GABBR2: variants seen among roughly 807,000 people sequenced by gnomAD.
GABBR2 encodes gamma-aminobutyric acid type B receptor subunit 2, also known as G-protein coupled receptor 51.
Under a neutral mutation model 105.6 loss-of-function variants are expected in GABBR2, and 23 were observed. That is an observed-to-expected ratio of 0.22 (90% confidence interval 0.16 to 0.31). GABBR2 has a LOEUF of 0.31. Ranked by LOEUF, GABBR2 falls within the 10% of genes least tolerant of loss-of-function variation. GABBR2 has a pLI of 1.00. For missense variants in GABBR2, 734 were observed against 1,245.5 expected (o/e 0.59, Z 6.18); for synonymous variants, 478 against 499.7 (o/e 0.96, Z 0.58).
intron 4 of GABBR2, among the ~76,000 whole-genome samples, chr9:98,490,845 C>G (rs553198552): frequency 4.6e-5 from 7 of 152,294 alleles, no homozygotes; most frequent in East Asian, 3.9e-4. Flanking sequence ...TTAGCCACCC[C>G]CTGTTCAGAA....
chr9:98,414,744 T>A (rs551141644), intron 7 of GABBR2, among the ~76,000 whole-genome samples: 28 of 151,964 alleles, frequency 1.8e-4, no homozygotes, highest in Non-Finnish European at 3.1e-4. Flanking sequence ...GTCCTACCAA[T>A]GGAATGTGGG....
intron 2 of GABBR2, among the ~76,000 whole-genome samples, chr9:98,564,240 G>C (rs1261937394): frequency 1.3e-5 from 2 of 152,196 alleles, no homozygotes; most frequent in Non-Finnish European, 2.9e-5. Flanking sequence ...GGAGTCTGGA[G>C]CCTCCATGGC....
chr9:98,597,129 G>A (rs1829250675), intron 1 of GABBR2, among the ~76,000 whole-genome samples: 1 of 152,170 alleles, frequency 6.6e-6, no homozygotes, highest in Admixed American at 6.5e-5. Context: ...AACCCAAGTG[G>A]TGCAGCTTAT....
chr9:98,445,972 G>A (rs1231321790), intron 7 of GABBR2, among the ~76,000 whole-genome samples: 1 of 152,210 alleles, frequency 6.6e-6, no homozygotes, highest in Admixed American at 6.5e-5. Context: ...AGAGGAGGGA[G>A]AGCTGAGAGC....
intron 13 of GABBR2, among the ~76,000 whole-genome samples, chr9:98,346,662 G>A (rs944073539): frequency 1.3e-5 from 2 of 152,034 alleles, no homozygotes; most frequent in Non-Finnish European, 2.9e-5. Context: ...TGCAGAACAC[G>A]GGAATTCATT....
chr9:98,313,496 C>T lies in GABBR2; in HGVS notation c.1894-2291G>A, dbSNP rs115757715. The stretch of plus-strand genomic sequence containing the variant: ...TCTCCAACAGTGGAATCCCTGCCTT[C>T]GAACAACATCAAAATATTTACTGAT... On this transcript the variant is annotated intron_variant, in intron 13 of 18. Coordinates refer to ENST00000259455, the MANE Select transcript of GABBR2 (RefSeq NM_005458.8). Among the ~76,000 whole-genome samples, 997 of 152,312 alleles carry T rather than the reference C, an allele frequency of 6.5e-3. 10 individuals are homozygous for T. The highest frequency in any genetic ancestry group is 0.02 in the African/African-American group (814 of 41,572).
intron 14 of GABBR2, 108 bp downstream of exon 14, chr9:98,310,987 C>A: frequency 1.5e-6 from 1 of 662,388 alleles, no homozygotes; most frequent in Non-Finnish European, 2.7e-6. Flanking sequence ...AGAGTAACTG[C>A]TTAGTCATGG....
chr9:98,422,716 T>C (rs1438722675), intron 7 of GABBR2, among the ~76,000 whole-genome samples: 1 of 151,616 alleles, frequency 6.6e-6, no homozygotes. Context: ...ACCCATTAAC[T>C]CGTCATTTAG....
intron 14 of GABBR2, among the ~76,000 whole-genome samples, chr9:98,309,509 T>C (rs1830604086): frequency 6.6e-6 from 1 of 152,214 alleles, no homozygotes; most frequent in Non-Finnish European, 1.5e-5. Context: ...CTCCATGGCA[T>C]CTATGGACAG....
At chr9:98,563,696 A>G (rs1828711302) in intron 2 of GABBR2, among the ~76,000 whole-genome samples, 1 of 152,216 alleles carries the variant, frequency 6.6e-6, no homozygotes, top group Admixed American at 6.5e-5. Flanking sequence ...AGAGAAAATT[A>G]TGCTTAAATC....
intron 13 of GABBR2, among the ~76,000 whole-genome samples, chr9:98,321,657 A>C (rs1323826817): frequency 6.6e-6 from 1 of 152,240 alleles, no homozygotes; most frequent in Non-Finnish European, 1.5e-5. Context: ...GAATGATGAC[A>C]GGAGACAGAG....
intron 1 of GABBR2, among the ~76,000 whole-genome samples, chr9:98,585,589 T>C (rs942488620): frequency 1.3e-5 from 2 of 151,808 alleles, no homozygotes; most frequent in Non-Finnish European, 2.9e-5. Flanking sequence ...CACGTATACA[T>C]ATGTAACAAA....
At chr9:98,580,153 A>G (rs1828981642) in intron 1 of GABBR2, among the ~76,000 whole-genome samples, 2 of 152,102 alleles carry the variant, frequency 1.3e-5, no homozygotes, top group South Asian at 2.1e-4. Flanking sequence ...GTTCCCTGAA[A>G]TCAAAAGCAT....
At chr9:98,491,301 A>G (rs1827171598) in intron 4 of GABBR2, among the ~76,000 whole-genome samples, 2 of 152,328 alleles carry the variant, frequency 1.3e-5, no homozygotes, top group Non-Finnish European at 2.9e-5. Flanking sequence ...ACCTTTGCTC[A>G]ACCTTTTACC....
chr9:98,404,761 G>T (rs2131527437), intron 8 of GABBR2, among the ~76,000 whole-genome samples: 1 of 152,170 alleles, frequency 6.6e-6, no homozygotes, highest in South Asian at 2.1e-4. Context: ...GGTTTCTGAG[G>T]CCCTTCTGAC....
At chr9:98,311,243 G>T in intron 13 of GABBR2, 38 bp from the exon 14 acceptor site, 2 of 1,304,944 alleles carry the variant, frequency 1.5e-6, no homozygotes, top group Non-Finnish European at 2.2e-6. Context: ...GGATGGCACA[G>T]GACACTCTTC....
chr9:98,411,593 G>A (rs1832591775), intron 7 of GABBR2, among the ~76,000 whole-genome samples: 1 of 151,470 alleles, frequency 6.6e-6, no homozygotes, highest in Admixed American at 6.6e-5. Context: ...ACAGGGTATT[G>A]CTCTGCTGCC....
At chr9:98,569,123 G>A (rs1828790148) in intron 2 of GABBR2, among the ~76,000 whole-genome samples, 1 of 152,142 alleles carries the variant, frequency 6.6e-6, no homozygotes, top group Admixed American at 6.5e-5. Flanking sequence ...CTGGATTACT[G>A]GCCTCTATTC....
intron 6 of GABBR2, among the ~76,000 whole-genome samples, chr9:98,470,160 C>T (rs1826641429): frequency 6.6e-6 from 1 of 152,120 alleles, no homozygotes; most frequent in South Asian, 2.1e-4. Context: ...ACAACCTGTG[C>T]AGGGCTGTAC....
Sources: gnomAD v4.1 joint callset for allele counts (sites outside exome capture counted in the v4.1 genomes callset) on GRCh38, gnomAD v4.1.1 for gene constraint, MANE v1.5 for transcripts, NCBI Gene and HGNC (gene_info 2026-07-23, HGNC 2026-07-21) for gene names.